The following SH3RF3 variants were observed in gnomAD, a reference collection of about 807,000 sequenced individuals.
The protein encoded by SH3RF3 is SH3 domain containing ring finger 3.
Under a neutral mutation model 66.3 loss-of-function variants are expected in SH3RF3, and 29 were observed. The observed-to-expected ratio is 0.44, with a 90% CI of 0.33 to 0.60. The LOEUF (loss-of-function observed/expected upper bound fraction) is 0.60, where lower values mean the gene tolerates loss of function less well. SH3RF3 is among the 20% of genes least tolerant of loss of function. SH3RF3 has a pLI of 0.04. For missense variants in SH3RF3, 1,194 were observed against 1,190.9 expected (o/e 1.00, Z -0.04); for synonymous variants, 583 against 532.0 (o/e 1.10, Z -1.32).
chr2:109,414,795 T>C (rs1676678851), intron 4 of SH3RF3, among the ~76,000 whole-genome samples: 1 of 152,218 alleles, frequency 6.6e-6, no homozygotes, highest in Admixed American at 6.5e-5. Flanking sequence ...CATTTCCATC[T>C]GGCCAAGGCT....
intron 4 of SH3RF3, among the ~76,000 whole-genome samples, chr2:109,415,136 G>C (rs1676688614): frequency 1.1e-5 from 1 of 93,928 alleles, no homozygotes; most frequent in Non-Finnish European, 2.0e-5. Flanking sequence ...TCTAGAAGCT[G>C]CAAAGGCAGG....
intron 7 of SH3RF3, among the ~76,000 whole-genome samples, chr2:109,447,943 G>C (rs1677755913): frequency 6.6e-6 from 1 of 152,218 alleles, no homozygotes; most frequent in Non-Finnish European, 1.5e-5. Context: ...TGCAGGCAGA[G>C]CAGCAAATGC....
At chr2:109,462,101 G>C (rs754030445) in intron 8 of SH3RF3, among the ~76,000 whole-genome samples, 8 of 151,040 alleles carry the variant, frequency 5.3e-5, no homozygotes, top group Non-Finnish European at 1.0e-4. Flanking sequence ...ACATGCAGGT[G>C]TCTTACCAAC....
chr2:109,349,036 T>TCA (rs1425482283), intron 2 of SH3RF3, among the ~76,000 whole-genome samples: 3 of 151,700 alleles, frequency 2.0e-5, no homozygotes, highest in South Asian at 2.1e-4. Context: ...TCTCTCTCTC[T>TCA]CACACACACA....
At chr2:109,256,358 G>C (rs1020482133) in intron 1 of SH3RF3, among the ~76,000 whole-genome samples, 2 of 152,242 alleles carry the variant, frequency 1.3e-5, no homozygotes, top group Admixed American at 1.3e-4. Context: ...GGGCTTGTCA[G>C]TTGACAGTGT....
chr2:109,293,143 A>C (rs1681227523), intron 1 of SH3RF3, among the ~76,000 whole-genome samples: 1 of 152,234 alleles, frequency 6.6e-6, no homozygotes, highest in South Asian at 2.1e-4. Flanking sequence ...AATGGGACAC[A>C]GGGACAGAGC....
chr2:109,349,451 G>A (rs938499160), intron 2 of SH3RF3, among the ~76,000 whole-genome samples: 1 of 152,148 alleles, frequency 6.6e-6, no homozygotes, highest in Admixed American at 6.5e-5. Flanking sequence ...GCTTCCTGGG[G>A]CTATTTTTAG....
intron 2 of SH3RF3, among the ~76,000 whole-genome samples, chr2:109,366,027 T>C (rs1683145697): frequency 1.3e-5 from 2 of 152,230 alleles, no homozygotes; most frequent in Non-Finnish European, 2.9e-5. Context: ...AATTCTGTTA[T>C]GAAACTATTA....
intron 1 of SH3RF3, among the ~76,000 whole-genome samples, chr2:109,331,408 G>A (rs1682282415): frequency 6.6e-6 from 1 of 152,002 alleles, no homozygotes; most frequent in Non-Finnish European, 1.5e-5. Context: ...ACTGATTGGA[G>A]TGTGAGAACT....
Position 109,490,659 on chromosome 2 carries a change from A to C in SH3RF3, c.2203A>C (p.Lys735Gln). ...KLLAGASTKKKSRSPPSVSPT... is the reference protein window; with the variant it reads ...KLLAGASTKKQSRSPPSVSPT... Reference sequence around the variant, plus strand: ...TCTAGCCGGAGCATCCACCAAGAAGAAGTCACGCTCCCCGCCATCTGTGTC... The same window carrying C: ...TCTAGCCGGAGCATCCACCAAGAAGCAGTCACGCTCCCCGCCATCTGTGTC... The change falls in exon 9 of 10, where the codon AAG (lysine) becomes CAG (glutamine). Residue 735 changes from lysine (K) to glutamine (Q), a missense_variant. Physicochemically the swap from Lys to Gln is moderately conservative, Grantham distance 53 (BLOSUM62 1). Coordinates refer to ENST00000309415, the MANE Select transcript of SH3RF3 (RefSeq NM_001099289.3). 2 of 1,509,092 alleles carry C rather than the reference A, an allele frequency of 1.3e-6. No homozygotes were observed. Among genetic ancestry groups the C allele is most frequent in the Non-Finnish European group, 1.8e-6 (2 of 1,128,358 alleles). 93.5% of individuals were successfully genotyped at this position (1,509,092 alleles called of 1,614,324 possible). A position where few individuals can be genotyped will look rare whatever the true frequency, so the allele number is the denominator to read the frequency against.
chr2:109,264,691 G>C (rs549341148), intron 1 of SH3RF3, among the ~76,000 whole-genome samples: 1 of 152,352 alleles, frequency 6.6e-6, no homozygotes, highest in African/African-American at 2.4e-5. Flanking sequence ...CCCAGTGGAT[G>C]CTAGATGTTT....
intron 1 of SH3RF3, among the ~76,000 whole-genome samples, chr2:109,344,355 G>A (rs1649869621): frequency 6.6e-6 from 1 of 152,140 alleles, no homozygotes; most frequent in African/African-American, 2.4e-5. Context: ...AGTGAGAAGG[G>A]CAGAGGAAGT....
Position 109,501,659 on chromosome 2 carries a change from C to G in SH3RF3, c.2637C>G (p.Val879=), listed in dbSNP as rs763666635. The change falls in exon 10 of 10, where the codon GTC becomes GTG. Residue 879 remains valine (V), a synonymous_variant. Transcript: ENST00000309415. ...CAGGCCTCTTCCCGGGCAGCTTCGT[C>G]GAGAGCTTCTGAGAACTGGTGCTCC... ...GRTGLFPGSF[V]ESF 1.3e-6 allele frequency: 1 copy of G among 768,076 alleles called. No homozygotes were observed. Among genetic ancestry groups the G allele is most frequent in the Non-Finnish European group, 2.4e-6 (1 of 412,342 alleles). 47.6% of individuals were successfully genotyped at this position (768,076 alleles called of 1,614,324 possible). A position where few individuals can be genotyped will look rare whatever the true frequency, so the allele number is the denominator to read the frequency against.
intron 8 of SH3RF3, among the ~76,000 whole-genome samples, chr2:109,452,619 G>A (rs538626126): frequency 9.2e-5 from 14 of 152,288 alleles, no homozygotes; most frequent in Non-Finnish European, 1.3e-4. Flanking sequence ...GGAGATTTAC[G>A]CGCCATATCC....
intron 1 of SH3RF3, among the ~76,000 whole-genome samples, chr2:109,188,353 C>G (rs888158184): frequency 6.6e-6 from 1 of 152,200 alleles, no homozygotes; most frequent in African/African-American, 2.4e-5. Flanking sequence ...TCCTGTCTTC[C>G]TCACAGTGAT....
At chr2:109,269,924 G>A (rs374432865) in intron 1 of SH3RF3, among the ~76,000 whole-genome samples, 7 of 152,200 alleles carry the variant, frequency 4.6e-5, no homozygotes, top group East Asian at 1.9e-4. Flanking sequence ...AAAGCAAAAC[G>A]TAACTACTAC....
At chr2:109,170,670 G>T (rs1677759427) in intron 1 of SH3RF3, among the ~76,000 whole-genome samples, 1 of 152,098 alleles carries the variant, frequency 6.6e-6, no homozygotes, top group African/African-American at 2.4e-5. Flanking sequence ...TTTCCTAAGG[G>T]TTCATCCTGC....
intron 2 of SH3RF3, among the ~76,000 whole-genome samples, chr2:109,354,343 T>C (rs1023498145): frequency 6.6e-6 from 1 of 152,178 alleles, no homozygotes; most frequent in African/African-American, 2.4e-5. Flanking sequence ...TTCTCTGGGC[T>C]CCAGCTTGTT....
chr2:109,349,780 G>A (rs1682800341), intron 2 of SH3RF3, among the ~76,000 whole-genome samples: 2 of 152,236 alleles, frequency 1.3e-5, no homozygotes, highest in African/African-American at 2.4e-5. Context: ...TCTCTGGGCA[G>A]AAGTGACTGC....
Sources: allele counts gnomAD v4.1 joint callset (sites outside exome capture counted in the v4.1 genomes callset), GRCh38; gene constraint gnomAD v4.1.1; transcripts MANE v1.5; gene names NCBI Gene and HGNC (gene_info 2026-07-23, HGNC 2026-07-21).